Variants in NRG1 observed in about 807,000 individuals in gnomAD.
The protein encoded by NRG1 is pro-neuregulin-1, membrane-bound isoform.
Under a neutral mutation model 63.8 loss-of-function variants are expected in NRG1, and 18 were observed. The ratio of observed to expected loss-of-function variants is 0.28; its 90% CI spans 0.19 to 0.42. NRG1 has a LOEUF of 0.42. NRG1 is among the 10% of genes least tolerant of loss of function. The pLI, the probability that NRG1 is intolerant of heterozygous loss-of-function variation, is 1.00. For synonymous variants in NRG1, 302 were observed against 301.3 expected (o/e 1.00, Z -0.02); for missense variants, 762 against 814.7 (o/e 0.94, Z 0.79).
chr8:32,287,595 C>G (rs1313221453), intron 1 of NRG1: 3 of 152,160 alleles, frequency 2.0e-5, no homozygotes, highest in Admixed American at 2.0e-4. Context: ...AAACCCAAGC[C>G]TGGAATTACA....
At chr8:32,678,573 T>G (rs1257028510) in intron 5 of NRG1, among the ~76,000 whole-genome samples, 1 of 152,174 alleles carries the variant, frequency 6.6e-6, no homozygotes, top group Admixed American at 6.5e-5. Context: ...CTTTAATGAG[T>G]GCTCAGAAGC....
intron 1 of NRG1, among the ~76,000 whole-genome samples, chr8:32,325,237 A>G (rs575226283): frequency 1.3e-5 from 2 of 152,224 alleles, no homozygotes; most frequent in Non-Finnish European, 2.9e-5. Flanking sequence ...ATGTTTTACT[A>G]GGCTTTATAG....
At chr8:32,443,767 T>C (rs535632668) in intron 1 of NRG1, among the ~76,000 whole-genome samples, 1 of 152,294 alleles carries the variant, frequency 6.6e-6, no homozygotes, top group African/African-American at 2.4e-5. Flanking sequence ...TTTGTTTATA[T>C]AAATGTCTTG....
chr8:32,140,478 T>G (rs75912252), intron 1 of NRG1, among the ~76,000 whole-genome samples: 2 of 151,746 alleles, frequency 1.3e-5, no homozygotes, highest in Non-Finnish European at 2.9e-5. Context: ...TTTTTTTTTT[T>G]CTGAGAAAAG....
intron 1 of NRG1, among the ~76,000 whole-genome samples, chr8:31,837,206 T>C (rs1353980164): frequency 6.6e-6 from 1 of 152,074 alleles, no homozygotes; most frequent in Non-Finnish European, 1.5e-5. Flanking sequence ...TTTGCCTTTT[T>C]CACTTTGTTT....
chr8:32,763,491 A>T, intron 11 of NRG1: 1 of 1,173,650 alleles, frequency 8.5e-7, no homozygotes, highest in Non-Finnish European at 1.2e-6. Context: ...TTGTGATGAG[A>T]TTGAAAATCC....
At chr8:32,060,791 A>C (rs1823718488) in intron 1 of NRG1, among the ~76,000 whole-genome samples, 1 of 151,838 alleles carries the variant, frequency 6.6e-6, no homozygotes, top group Non-Finnish European at 1.5e-5. Context: ...TCTCCCACCA[A>C]TTTCGTAGTC....
At chr8:32,593,481 C>CT (rs1455075723) in intron 1 of NRG1, among the ~76,000 whole-genome samples, 1 of 150,118 alleles carries the variant, frequency 6.7e-6, no homozygotes, top group Non-Finnish European at 1.5e-5. Context: ...TGGCGAAACT[C>CT]TGTCTCTATG....
chr8:32,238,519 G>A (rs900772934), intron 1 of NRG1, among the ~76,000 whole-genome samples: 4 of 151,716 alleles, frequency 2.6e-5, no homozygotes, highest in African/African-American at 9.7e-5. Flanking sequence ...TATTACAGAA[G>A]TATCAAGGTC....
intron 1 of NRG1, among the ~76,000 whole-genome samples, chr8:32,240,671 A>G (rs1378227693): frequency 6.6e-6 from 1 of 152,126 alleles, no homozygotes; most frequent in Non-Finnish European, 1.5e-5. Flanking sequence ...TGGGGAAAAT[A>G]GTAACATTGT....
chr8:32,235,230 C>CAAAAAAA (rs58148757), intron 1 of NRG1, among the ~76,000 whole-genome samples: 1 of 88,294 alleles, frequency 1.1e-5, no homozygotes, highest in Non-Finnish European at 2.1e-5. Context: ...CTAATCTCTA[C>CAAAAAAA]AAAAAAAAAA....
intron 1 of NRG1, among the ~76,000 whole-genome samples, chr8:31,766,312 A>G (rs531356748): frequency 6.6e-6 from 1 of 152,334 alleles, no homozygotes; most frequent in Admixed American, 6.5e-5. Context: ...GCTGTCGTAG[A>G]TAAGTGTCTT....
intron 1 of NRG1, among the ~76,000 whole-genome samples, chr8:31,849,137 G>C (rs1051156171): frequency 3.9e-5 from 6 of 152,164 alleles, no homozygotes; most frequent in African/African-American, 1.4e-4. Context: ...CCATTTCATG[G>C]CAGACATGCT....
intron 1 of NRG1, among the ~76,000 whole-genome samples, chr8:31,982,420 A>T (rs1809287948): frequency 6.6e-6 from 1 of 152,190 alleles, no homozygotes; most frequent in South Asian, 2.1e-4. Context: ...CATTTAGATT[A>T]GGTGATGGAG....
intron 1 of NRG1, among the ~76,000 whole-genome samples, chr8:31,874,611 A>T (rs1423526056): frequency 6.6e-6 from 1 of 152,218 alleles, no homozygotes; most frequent in Non-Finnish European, 1.5e-5. Context: ...CAATTCAATT[A>T]TACATTTTTA....
At chr8:32,551,058 C>G (rs1195620777) in intron 1 of NRG1, among the ~76,000 whole-genome samples, 1 of 152,186 alleles carries the variant, frequency 6.6e-6, no homozygotes, top group Non-Finnish European at 1.5e-5. Context: ...AAATACAATG[C>G]TTCAGAATCA....
At chr8:32,732,759 A>G (rs1215658746) in intron 6 of NRG1, among the ~76,000 whole-genome samples, 1 of 149,340 alleles carries the variant, frequency 6.7e-6, no homozygotes, top group African/African-American at 2.5e-5. Flanking sequence ...GGAAAAATAT[A>G]TACACCTGTT....
chr8:31,683,940 A>C (rs1027808032), intron 1 of NRG1, among the ~76,000 whole-genome samples: 1 of 152,318 alleles, frequency 6.6e-6, no homozygotes, highest in East Asian at 1.9e-4. Flanking sequence ...AGGAACAAAT[A>C]AAAGTTAGGA....
chr8:32,169,712 C>CT (rs1839801620), intron 1 of NRG1, among the ~76,000 whole-genome samples: 1 of 152,124 alleles, frequency 6.6e-6, no homozygotes, highest in African/African-American at 2.4e-5. Context: ...TCTTTTTACT[C>CT]TGAGAGGATA....
Sources: gnomAD v4.1 joint callset for allele counts (sites outside exome capture counted in the v4.1 genomes callset) on GRCh38, gnomAD v4.1.1 for gene constraint, MANE v1.5 for transcripts, NCBI Gene and HGNC (gene_info 2026-07-23, HGNC 2026-07-21) for gene names.